SLC7A14: variants seen among roughly 807,000 people sequenced by gnomAD.
SLC7A14 encodes the protein solute carrier family 7 member 14.
SLC7A14 carries 37 observed loss-of-function variants against 60.2 expected under a neutral mutation model. That is an observed-to-expected ratio of 0.61 (90% CI 0.47 to 0.81). The LOEUF is 0.81. SLC7A14 is among the 30% of genes least tolerant of loss of function. The pLI is 0.00. For synonymous variants in SLC7A14, 399 were observed against 395.8 expected (o/e 1.01, Z -0.10); for missense variants, 886 against 982.7 (o/e 0.90, Z 1.32).
At chr3:170,578,582 T>C (rs1471934507) in intron 1 of SLC7A14, among the ~76,000 whole-genome samples, 2 of 152,212 alleles carry the variant, frequency 1.3e-5, no homozygotes, top group African/African-American at 2.4e-5. Context: ...ATCTGTAAAA[T>C]GGCGATGATA....
At chr3:170,497,737 A>G (rs1712454101) in intron 4 of SLC7A14, among the ~76,000 whole-genome samples, 1 of 152,242 alleles carries the variant, frequency 6.6e-6, no homozygotes, top group Non-Finnish European at 1.5e-5. Flanking sequence ...CAACATAAGT[A>G]TTTTTAGTCA....
rs1011224197 is a variant in SLC7A14, at chr3:170,459,671, G to C, written c.*7384C>G. On this transcript the variant is annotated 3_prime_UTR_variant, in exon 8 of 8. Transcript: ENST00000231706. Reference sequence around the variant, plus strand: ...TCATTTATCTGGCTTTTCTACAAAGGACAATTGAAACACTTAAGGCGAAAT... The same window carrying C: ...TCATTTATCTGGCTTTTCTACAAAGCACAATTGAAACACTTAAGGCGAAAT... 2.2e-4 allele frequency: 33 copies of C among 152,076 alleles called. No individual in the cohort carries two copies. The highest frequency in any genetic ancestry group is 7.5e-4 in the African/African-American group (31 of 41,414). The allele number at this position is 152,076 out of a possible 1,614,324, so 9.4% of individuals were successfully genotyped here.
At position 170,468,079 on chromosome 3, in the gene SLC7A14, ACT is replaced by A. The variant is rs548837540; in HGVS notation, c.1994-704_1994-703del. Among the ~76,000 whole-genome samples the A allele has an allele frequency of 6.5e-3, 993 of 152,134 alleles. 18 individuals are homozygous for A. Among genetic ancestry groups the A allele is most frequent in the African/African-American group, 0.023 (950 of 41,480 alleles). ...TGTGATTATCTGCACAGGGTCGTAGACTCTGCAGAAAATTGGCACTTAATGTT... is the reference window on the plus strand; with the variant it reads ...TGTGATTATCTGCACAGGGTCGTAGACTGCAGAAAATTGGCACTTAATGTT... On this transcript the variant is annotated intron_variant, in intron 7 of 7. Transcript: ENST00000231706.
At chr3:170,502,429 G>A (rs1419827287) in intron 2 of SLC7A14, among the ~76,000 whole-genome samples, 1 of 152,216 alleles carries the variant, frequency 6.6e-6, no homozygotes, top group East Asian at 1.9e-4. Context: ...AAGAGATTAA[G>A]AACATACCAA....
At position 170,522,929 on chromosome 3, in the gene SLC7A14, G is replaced by C. The variant is rs1299555139; in HGVS notation, c.304+3704C>G. Among the ~76,000 whole-genome samples, 5 of 152,172 alleles carry C rather than the reference G, an allele frequency of 3.3e-5. No homozygotes were observed. In the East Asian group the frequency reaches 9.6e-4, roughly 29 times the overall value. On this transcript the variant is annotated intron_variant, in intron 2 of 7. Coordinates refer to ENST00000231706, the MANE Select transcript of SLC7A14 (RefSeq NM_020949.3). ...TCTCAACCTATCTATCAACAGATTT[G>C]AATGTGGGTTCTGTCATTTAAACTT...
At chr3:170,531,923 C>T (rs1050025725) in intron 1 of SLC7A14, among the ~76,000 whole-genome samples, 1 of 152,146 alleles carries the variant, frequency 6.6e-6, no homozygotes, top group Non-Finnish European at 1.5e-5. Flanking sequence ...AGGTTTGTTT[C>T]AGGATGCAAA....
At chr3:170,490,762 A>G (rs1054711143) in intron 4 of SLC7A14, among the ~76,000 whole-genome samples, 9 of 152,224 alleles carry the variant, frequency 5.9e-5, no homozygotes, top group African/African-American at 1.7e-4. Flanking sequence ...GTGACCTAGA[A>G]CAAGTTCTTA....
At chr3:170,540,414 G>A (rs1442388988) in intron 1 of SLC7A14, among the ~76,000 whole-genome samples, 1 of 151,918 alleles carries the variant, frequency 6.6e-6, no homozygotes, top group East Asian at 1.9e-4. Context: ...AAATCATAGA[G>A]GATGCAACAT....
At chr3:170,527,481 G>A (rs1713548518) in intron 1 of SLC7A14, among the ~76,000 whole-genome samples, 1 of 152,190 alleles carries the variant, frequency 6.6e-6, no homozygotes, top group Non-Finnish European at 1.5e-5. Flanking sequence ...TATGGAAAGT[G>A]CTCATCCATC....
chr3:170,579,428 A>C (rs935569447), intron 1 of SLC7A14, among the ~76,000 whole-genome samples: 2 of 152,240 alleles, frequency 1.3e-5, no homozygotes, highest in Non-Finnish European at 2.9e-5. Context: ...TTTCAAAAAC[A>C]TGGAAAAATT....
intron 5 of SLC7A14, among the ~76,000 whole-genome samples, chr3:170,484,592 G>A (rs978318477): frequency 8.5e-5 from 13 of 152,214 alleles, no homozygotes; most frequent in African/African-American, 3.1e-4. Flanking sequence ...AGGAAAGAGG[G>A]TGGTCACATG....
chr3:170,475,888 T>C (rs528590805), intron 7 of SLC7A14, among the ~76,000 whole-genome samples: 200 of 152,200 alleles, frequency 1.3e-3, no homozygotes, highest in Admixed American at 7.0e-3. Flanking sequence ...AATTTTTGTA[T>C]TTTTAGTAGA....
chr3:170,471,333 A>G (rs921399415), intron 7 of SLC7A14, among the ~76,000 whole-genome samples: 3 of 152,196 alleles, frequency 2.0e-5, no homozygotes, highest in African/African-American at 7.2e-5. Flanking sequence ...ATTTGGAAGA[A>G]CATATACAAA....
At chr3:170,534,993 T>A (rs975837901) in intron 1 of SLC7A14, among the ~76,000 whole-genome samples, 20 of 152,242 alleles carry the variant, frequency 1.3e-4, no homozygotes, top group Non-Finnish European at 4.4e-5. Flanking sequence ...GATTGGTTAC[T>A]GAGCGTTGAG....
intron 1 of SLC7A14, among the ~76,000 whole-genome samples, chr3:170,575,028 G>C (rs1715053262): frequency 6.6e-6 from 1 of 152,196 alleles, no homozygotes; most frequent in African/African-American, 2.4e-5. Flanking sequence ...GAAGTAAGAA[G>C]TAACTGATTT....
Position 170,555,175 on chromosome 3 carries a change from AT to A in SLC7A14, c.-152-28088del, listed in dbSNP as rs201873211. The stretch of plus-strand genomic sequence containing the variant: ...AGAGCAAGACTTTGTCTCAAAAAAA[AT>A]ATATATATATATAATATATATATTG... On this transcript the variant is annotated intron_variant, in intron 1 of 7. Coordinates refer to ENST00000231706, the MANE Select transcript of SLC7A14 (RefSeq NM_020949.3). Among the ~76,000 whole-genome samples, 13 of 144,280 alleles carry A rather than the reference AT, an allele frequency of 9.0e-5. 1 individual carries two copies. Among genetic ancestry groups the A allele is most frequent in the African/African-American group, 2.3e-4 (9 of 39,164 alleles). 94.7% of individuals were successfully genotyped at this position (144,280 alleles called of 152,430 possible). A position where few individuals can be genotyped will look rare whatever the true frequency, so the allele number is the denominator to read the frequency against.
chr3:170,491,762 C>T (rs974136319), intron 4 of SLC7A14, among the ~76,000 whole-genome samples: 2 of 152,062 alleles, frequency 1.3e-5, no homozygotes, highest in African/African-American at 2.4e-5. Flanking sequence ...GCTTTCTTCT[C>T]GCCTTCTGAC....
rs141276672 is a variant in SLC7A14, at chr3:170,505,715, G to A, written c.305-4370C>T. On this transcript the variant is annotated intron_variant, in intron 2 of 7. Coordinates refer to ENST00000231706, the MANE Select transcript of SLC7A14 (RefSeq NM_020949.3). ...AGCCTGGCCAACATGGTGAAACACC[G>A]TCTCTACTAAAAATACAAAAAAATT... Among the ~76,000 whole-genome samples, 191 of 152,146 alleles carry A rather than the reference G, an allele frequency of 1.3e-3. 1 individual carries two copies. The Middle Eastern group carries it at 0.02, about 16-fold the overall frequency.
Position 170,459,786 on chromosome 3 carries a change from T to C in SLC7A14, c.*7269A>G, listed in dbSNP as rs972076033. 5 of 152,138 alleles carry C rather than the reference T, an allele frequency of 3.3e-5. No individual in the cohort carries two copies. Among genetic ancestry groups the C allele is most frequent in the African/African-American group, 1.2e-4 (5 of 41,394 alleles). The allele number at this position is 152,138 out of a possible 1,614,324, so 9.4% of individuals were successfully genotyped here. The stretch of plus-strand genomic sequence containing the variant: ...AACAAAATATGGGAAGGCTCCTTTT[T>C]CTTTTCTTTCTTTTTTTTTGGTAGT... On this transcript the variant is annotated 3_prime_UTR_variant, in exon 8 of 8. Coordinates refer to ENST00000231706, the MANE Select transcript of SLC7A14 (RefSeq NM_020949.3).
Sources: gnomAD v4.1 joint callset for allele counts (sites outside exome capture counted in the v4.1 genomes callset) on GRCh38, gnomAD v4.1.1 for gene constraint, MANE v1.5 for transcripts, NCBI Gene and HGNC (gene_info 2026-07-23, HGNC 2026-07-21) for gene names.